NPRL3: variants seen among roughly 807,000 people sequenced by gnomAD.
The protein encoded by NPRL3 is NPR3 like, GATOR1 complex subunit.
NPRL3 carries 23 observed loss-of-function variants against 57.2 expected under a neutral mutation model. The observed-to-expected ratio is 0.40, with a 90% CI of 0.29 to 0.57. The LOEUF (loss-of-function observed/expected upper bound fraction) is 0.57, where lower values mean the gene tolerates loss of function less well. Ranked by LOEUF, NPRL3 falls within the 20% of genes least tolerant of loss-of-function variation. The probability of loss-of-function intolerance (pLI) is 0.42; values close to 1 mark genes in which losing one functional copy is unlikely to be tolerated. For synonymous variants in NPRL3, 333 were observed against 321.1 expected (o/e 1.04, Z -0.39); for missense variants, 691 against 767.1 (o/e 0.90, Z 1.17).
chr16:122,497 T>A (rs1900327519), intron 3 of NPRL3, among the ~76,000 whole-genome samples: 1 of 152,234 alleles, frequency 6.6e-6, no homozygotes, highest in Non-Finnish European at 1.5e-5. Flanking sequence ...AACAGCAAAC[T>A]GAACCATAAA....
intron 5 of NPRL3, among the ~76,000 whole-genome samples, chr16:115,807 T>G (rs1900008058): frequency 1.3e-5 from 2 of 152,208 alleles, no homozygotes; most frequent in African/African-American, 4.8e-5. Flanking sequence ...TACCTGTCCG[T>G]AATCAATCTA....
intron 3 of NPRL3, among the ~76,000 whole-genome samples, chr16:129,637 C>G (rs1455719173): frequency 6.6e-6 from 1 of 152,178 alleles, no homozygotes; most frequent in Non-Finnish European, 1.5e-5. Flanking sequence ...GGCAACAAAG[C>G]AAGACCCCAT....
At chr16:102,174 T>G (rs1009545879) in intron 7 of NPRL3, among the ~76,000 whole-genome samples, 7 of 151,684 alleles carry the variant, frequency 4.6e-5, no homozygotes, top group Admixed American at 1.3e-4. Context: ...AAGGAAGGAG[T>G]TGTTTTCACC....
rs1300208312 is a variant in NPRL3 at position 88,783 on chromosome 16, G to A, written c.1459C>T (p.Leu487=). 4 of 1,613,424 alleles carry A rather than the reference G, an allele frequency of 2.5e-6. No individual in the cohort carries two copies. The highest frequency in any genetic ancestry group is 2.2e-5 in the East Asian group (1 of 44,878). Reference sequence around the variant, plus strand: ...CGTTCATGCTCCGACAGGCTGGCCAGCAGGTTCTCCGTCATCCTCTGGTTC... The same window carrying A: ...CGTTCATGCTCCGACAGGCTGGCCAACAGGTTCTCCGTCATCCTCTGGTTC... ...PLNQRMTENL[L]ASLSEHERAA... Residue 487 remains leucine, a synonymous_variant, in exon 13 of 14, where the codon CTG becomes TTG. Coordinates refer to ENST00000611875, the MANE Select transcript of NPRL3 (RefSeq NM_001077350.3).
chr16:127,066 T>A (rs1900552138), intron 3 of NPRL3: 1 of 152,226 alleles, frequency 6.6e-6, no homozygotes, highest in Non-Finnish European at 1.5e-5. Flanking sequence ...GAGACAGGAC[T>A]TCGTCATATT....
At chr16:130,487 C>T (rs1192484756) in intron 3 of NPRL3, 35 bp downstream of exon 3, 2 of 1,539,336 alleles carry the variant, frequency 1.3e-6, no homozygotes, top group South Asian at 1.2e-5. Context: ...GGGACCAGGA[C>T]ACGCCCCGCC....
At chr16:88,350 C>T (rs1428575779) in intron 13 of NPRL3, among the ~76,000 whole-genome samples, 6 of 147,224 alleles carry the variant, frequency 4.1e-5, no homozygotes, top group East Asian at 2.0e-4. Flanking sequence ...CACTGCAGTC[C>T]GCAGTCCGGC....
intron 13 of NPRL3, among the ~76,000 whole-genome samples, chr16:87,757 A>G (rs1268660979): frequency 6.6e-6 from 1 of 150,844 alleles, no homozygotes; most frequent in Non-Finnish European, 1.5e-5. Flanking sequence ...TTTTTAGTAG[A>G]GACGGGGTTT....
At chr16:92,135 A>G (rs1898787630) in intron 11 of NPRL3, among the ~76,000 whole-genome samples, 1 of 152,044 alleles carries the variant, frequency 6.6e-6, no homozygotes, top group South Asian at 2.1e-4. Context: ...ATACCCACAG[A>G]CCCTGTGGCC....
intron 12 of NPRL3, 37 bp downstream of exon 12, chr16:89,676 T>TC: frequency 1.4e-6 from 2 of 1,472,622 alleles, no homozygotes; most frequent in Admixed American, 5.2e-5. Flanking sequence ...CCCAAGCGTC[T>TC]CCCCTGACTA....
chr16:136,985 A>G (rs1901120192), intron 2 of NPRL3, among the ~76,000 whole-genome samples: 1 of 150,490 alleles, frequency 6.6e-6, no homozygotes, highest in African/African-American at 2.4e-5. Context: ...AGGCAGGTAG[A>G]TCATTTGAGG....
chr16:94,491 G>A (rs1224468207), intron 9 of NPRL3, among the ~76,000 whole-genome samples: 2 of 152,216 alleles, frequency 1.3e-5, no homozygotes, highest in African/African-American at 2.4e-5. Context: ...GCTCATGCCT[G>A]TAGTCCCAGC....
At chr16:97,817 G>A (rs866078773) in intron 9 of NPRL3, among the ~76,000 whole-genome samples, 7 of 152,146 alleles carry the variant, frequency 4.6e-5, no homozygotes, top group Middle Eastern at 3.4e-3. Context: ...GGCCCTGCCC[G>A]CTGCTGCCCT....
At chr16:103,383 C>T (rs1434068689) in intron 7 of NPRL3, among the ~76,000 whole-genome samples, 2 of 142,326 alleles carry the variant, frequency 1.4e-5, no homozygotes, top group African/African-American at 5.3e-5. Context: ...TCAAGCGATC[C>T]TCCCACCTTG....
In NPRL3 at chr16:86,657, C is replaced by T. The variant is rs369055796; in HGVS notation, c.*48G>A. 441 of 1,508,384 alleles carry T rather than the reference C, an allele frequency of 2.9e-4. No individual in the cohort carries two copies. The highest frequency in any genetic ancestry group is 3.6e-4 in the Non-Finnish European group (404 of 1,123,056). The allele number at this position is 1,508,384 out of a possible 1,614,324, so 93.4% of individuals were successfully genotyped here. ...GGGGGAGCCCTGGGGTGGGGAGACGCGAGCGCCCACCTGCGCACCCCAGCA... is the reference window on the plus strand; with the variant it reads ...GGGGGAGCCCTGGGGTGGGGAGACGTGAGCGCCCACCTGCGCACCCCAGCA... On this transcript the variant is annotated 3_prime_UTR_variant, in exon 14 of 14. Transcript: ENST00000611875.
rs11558704 is a variant in NPRL3, at chr16:93,226, C to G, written c.1024G>C (p.Val342Leu). 6 of 1,549,520 alleles carry G rather than the reference C, an allele frequency of 3.9e-6. No individual in the cohort carries two copies. Among genetic ancestry groups the G allele is most frequent in the Non-Finnish European group, 1.7e-6 (2 of 1,144,148 alleles). ...NVYMLSPNASVCLYSPLAEQF... is the reference protein window; with the variant it reads ...NVYMLSPNASLCLYSPLAEQF... ...GCAGCCAGCAGCACTCACAGACATA[C>G]GCTGGCATTGGGAGACAGCATGTAG... Residue 342 changes from valine to leucine, a missense_variant, in exon 10 of 14, where the codon GTA (valine) becomes CTA (leucine). Transcript: ENST00000611875.
chr16:113,593 CTT>C (rs1899909753), intron 5 of NPRL3, among the ~76,000 whole-genome samples: 1 of 152,292 alleles, frequency 6.6e-6, no homozygotes, highest in Admixed American at 6.5e-5. Context: ...TGTGAAAACA[CTT>C]GAGGGAGCAG....
intron 2 of NPRL3, among the ~76,000 whole-genome samples, chr16:133,371 A>G (rs1344727074): frequency 6.6e-6 from 1 of 151,470 alleles, no homozygotes; most frequent in Non-Finnish European, 1.5e-5. Context: ...GATTACAGGC[A>G]TGGGCCAACA....
intron 4 of NPRL3, 56 bp downstream of exon 4, chr16:119,068 GCC>G: frequency 6.2e-7 from 1 of 1,602,280 alleles, no homozygotes. Flanking sequence ...AGCCACACCT[GCC>G]CAAGGAGAGC....
Sources: allele counts gnomAD v4.1 joint callset (sites outside exome capture counted in the v4.1 genomes callset), GRCh38; gene constraint gnomAD v4.1.1; transcripts MANE v1.5; gene names NCBI Gene and HGNC (gene_info 2026-07-23, HGNC 2026-07-21).